The following SBF2 variants were observed in gnomAD, a reference collection of about 807,000 sequenced individuals.
SBF2 encodes myotubularin-related protein 13.
A neutral mutation model predicts 225.2 loss-of-function variants in SBF2; 112 were observed. That is an observed-to-expected ratio of 0.50 (90% CI 0.43 to 0.58). The LOEUF is 0.58. Among genes scored for constraint, SBF2 ranks in the 20% least tolerant of loss-of-function variants. The probability of loss-of-function intolerance (pLI) is 0.00; values close to 1 mark genes in which losing one functional copy is unlikely to be tolerated. For missense variants in SBF2, 1,996 were observed against 2,206.2 expected, an observed-to-expected ratio of 0.90 and a Z score of 1.91; for synonymous variants, 763 against 773.3, an observed-to-expected ratio of 0.99 and a Z score of 0.22.
chr11:10,100,841 C>T (rs1019637397), intron 2 of SBF2, among the ~76,000 whole-genome samples: 6 of 152,176 alleles, frequency 3.9e-5, no homozygotes, highest in Admixed American at 2.0e-4. Flanking sequence ...TGTAGCTCCA[C>T]TGCAGGGTGT....
Position 10,133,605 on chromosome 11 carries a change from G to A in SBF2, c.141+60297C>T, listed in dbSNP as rs1000985981. On this transcript the variant is annotated intron_variant, in intron 2 of 39. Coordinates refer to ENST00000256190, the MANE Select transcript of SBF2 (RefSeq NM_030962.4). ...GGCTGCCTGGCTGCTCCGAGTGCGG[G>A]GCCCACCAAGCCCACGCCCACCCGG... is the stretch of plus-strand genomic sequence containing the variant. Among the ~76,000 whole-genome samples the A allele has an allele frequency of 1.0e-4, 15 of 143,364 alleles. No individual in the cohort carries two copies. In the South Asian group the frequency reaches 2.2e-3, roughly 21 times the overall value. The allele number at this position is 143,364 out of a possible 152,430, so 94.1% of individuals were successfully genotyped here.
intron 16 of SBF2, chr11:9,960,985 A>G (rs1866531354): frequency 6.6e-6 from 1 of 152,148 alleles, no homozygotes; most frequent in African/African-American, 2.4e-5. Flanking sequence ...CTTAAACTAA[A>G]TTTTTGATAC....
chr11:10,199,831 G>A lies in SBF2; in HGVS notation c.56-5844C>T, dbSNP rs189169763. The stretch of plus-strand genomic sequence containing the variant: ...AGACTCAACTGGAACCCTTGTGCAT[G>A]TTGATGGCAATGTCAAATGGTGTAC... On this transcript the variant is annotated intron_variant, in intron 1 of 39. Transcript: ENST00000256190. Among the ~76,000 whole-genome samples the A allele has an allele frequency of 1.7e-3, 252 of 151,308 alleles. 2 individuals carry two copies. The highest frequency in any genetic ancestry group is 2.6e-3 in the Non-Finnish European group (178 of 67,746).
chr11:10,216,684 A>G (rs1431972789), intron 1 of SBF2, among the ~76,000 whole-genome samples: 1 of 152,242 alleles, frequency 6.6e-6, no homozygotes, highest in Non-Finnish European at 1.5e-5. Flanking sequence ...AGCCTGGCCA[A>G]CATGATGAAA....
chr11:9,967,726 A>C (rs1249264370), intron 14 of SBF2, among the ~76,000 whole-genome samples: 18 of 151,956 alleles, frequency 1.2e-4, no homozygotes, highest in Admixed American at 1.2e-3. Context: ...GACCAGCCTG[A>C]CTAACATGGA....
intron 26 of SBF2, among the ~76,000 whole-genome samples, chr11:9,836,074 T>C (rs1261840177): frequency 1.3e-5 from 2 of 152,122 alleles, no homozygotes; most frequent in Non-Finnish European, 2.9e-5. Context: ...ATTTAACCAA[T>C]TTATAGTCCT....
chr11:9,837,620 G>C (rs564266040), intron 26 of SBF2, among the ~76,000 whole-genome samples: 1 of 152,240 alleles, frequency 6.6e-6, no homozygotes, highest in African/African-American at 2.4e-5. Context: ...AGTCTACTTT[G>C]ATATTCATAT....
chr11:10,064,954 A>C (rs1319183157), intron 2 of SBF2, among the ~76,000 whole-genome samples: 1 of 152,192 alleles, frequency 6.6e-6, no homozygotes, highest in African/African-American at 2.4e-5. Context: ...CACTCCACAC[A>C]GCAGCAGCAG....
intron 17 of SBF2, among the ~76,000 whole-genome samples, chr11:9,875,148 T>C (rs1052206323): frequency 6.6e-6 from 1 of 152,204 alleles, no homozygotes; most frequent in Non-Finnish European, 1.5e-5. Context: ...ATAGACTGGG[T>C]CACAAAGTTC....
intron 3 of SBF2, among the ~76,000 whole-genome samples, chr11:10,038,017 C>T (rs192430730): frequency 5.3e-4 from 80 of 152,098 alleles, no homozygotes; most frequent in African/African-American, 1.9e-3. Context: ...GAAATACACA[C>T]ATTCCATTGA....
chr11:10,168,325 C>CTTT (rs1422015021), intron 2 of SBF2, among the ~76,000 whole-genome samples: 1 of 152,180 alleles, frequency 6.6e-6, no homozygotes, highest in Non-Finnish European at 1.5e-5. Context: ...TAATATTCTG[C>CTTT]ATAAATGAGC....
intron 9 of SBF2, among the ~76,000 whole-genome samples, chr11:9,995,144 TA>T (rs1947637716): frequency 6.6e-6 from 1 of 151,662 alleles, no homozygotes; most frequent in African/African-American, 2.4e-5. Flanking sequence ...AGTGCAAAAA[TA>T]TATAAAGTGC....
At chr11:10,204,657 C>CAA (rs75767484) in intron 1 of SBF2, among the ~76,000 whole-genome samples, 1 of 136,946 alleles carries the variant, frequency 7.3e-6, no homozygotes. Flanking sequence ...CACTCCATCT[C>CAA]AAAAAAAAAA....
At chr11:10,104,566 G>A (rs764812315) in intron 2 of SBF2, among the ~76,000 whole-genome samples, 8 of 152,170 alleles carry the variant, frequency 5.3e-5, no homozygotes, top group Admixed American at 1.3e-4. Context: ...TGAGAGACAG[G>A]GAGCTGGTAC....
chr11:9,912,607 G>A (rs944767005), intron 16 of SBF2, among the ~76,000 whole-genome samples: 6 of 152,086 alleles, frequency 3.9e-5, no homozygotes, highest in Non-Finnish European at 8.8e-5. Flanking sequence ...CTAATTTTTA[G>A]CTCATTGGCT....
At chr11:10,239,636 A>G (rs552682683) in intron 1 of SBF2, among the ~76,000 whole-genome samples, 1 of 150,690 alleles carries the variant, frequency 6.6e-6, no homozygotes, top group African/African-American at 2.4e-5. Flanking sequence ...GGGGAATTAT[A>G]CTAATTACAT....
intron 17 of SBF2, among the ~76,000 whole-genome samples, chr11:9,866,566 C>G (rs1379249031): frequency 1.3e-5 from 2 of 152,146 alleles, no homozygotes; most frequent in African/African-American, 4.8e-5. Context: ...TCACCATATA[C>G]AAAAATCAAA....
intron 1 of SBF2, among the ~76,000 whole-genome samples, chr11:10,200,916 T>C (rs564797377): frequency 5.3e-5 from 8 of 152,352 alleles, no homozygotes; most frequent in African/African-American, 1.4e-4. Flanking sequence ...AGTCCAATTA[T>C]AATTTCCCGA....
At chr11:9,822,710 A>C (rs950955186) in intron 28 of SBF2, among the ~76,000 whole-genome samples, 1 of 152,184 alleles carries the variant, frequency 6.6e-6, no homozygotes, top group Non-Finnish European at 1.5e-5. Context: ...AGTGTTTCCT[A>C]AGCACTGGTG....
Sources: allele counts gnomAD v4.1 joint callset (sites outside exome capture counted in the v4.1 genomes callset), GRCh38; gene constraint gnomAD v4.1.1; transcripts MANE v1.5; gene names NCBI Gene and HGNC (gene_info 2026-07-23, HGNC 2026-07-21).